The following CHCHD3 variants were observed in gnomAD, a reference collection of about 807,000 sequenced individuals.
CHCHD3 encodes coiled-coil-helix-coiled-coil-helix domain containing 3, also known as MICOS complex subunit MIC19.
CHCHD3 carries 20 observed loss-of-function variants against 38.2 expected under a neutral mutation model. The ratio of observed to expected loss-of-function variants is 0.52; its 90% CI spans 0.37 to 0.76. The LOEUF (loss-of-function observed/expected upper bound fraction) is 0.76, where lower values mean the gene tolerates loss of function less well. Among genes scored for constraint, CHCHD3 ranks in the 30% least tolerant of loss-of-function variants. The probability of loss-of-function intolerance (pLI) is 0.00; values close to 1 mark genes in which losing one functional copy is unlikely to be tolerated. For missense variants in CHCHD3, 245 were observed against 279.2 expected (o/e 0.88, Z 0.87); for synonymous variants, 82 against 100.0 (o/e 0.82, Z 1.07).
intron 2 of CHCHD3, among the ~76,000 whole-genome samples, chr7:133,065,984 T>C (rs997758492): frequency 2.6e-5 from 4 of 152,138 alleles, no homozygotes; most frequent in East Asian, 1.9e-4. Context: ...ATGGTGCAGA[T>C]AGAAAATAAA....
intron 5 of CHCHD3, 56 bp downstream of exon 5, chr7:132,885,606 A>G: frequency 7.7e-7 from 1 of 1,306,104 alleles, no homozygotes; most frequent in Non-Finnish European, 1.1e-6. Context: ...TTTTAAATAA[A>G]TATACAAGAA....
intron 1 of CHCHD3, among the ~76,000 whole-genome samples, chr7:133,073,840 C>T (rs1278589520): frequency 6.6e-6 from 1 of 152,160 alleles, no homozygotes; most frequent in Non-Finnish European, 1.5e-5. Flanking sequence ...TTGGTGATGG[C>T]CTAACTCTCC....
chr7:132,962,628 C>T (rs1368371540), intron 4 of CHCHD3, among the ~76,000 whole-genome samples: 1 of 152,134 alleles, frequency 6.6e-6, no homozygotes, highest in Non-Finnish European at 1.5e-5. Flanking sequence ...TTTGAAGATA[C>T]GGGATCTATA....
chr7:132,894,015 T>A (rs113942741), intron 4 of CHCHD3, among the ~76,000 whole-genome samples: 2,738 of 152,306 alleles, frequency 0.018, 99 homozygotes, highest in African/African-American at 0.062. Context: ...ATGAATGATT[T>A]TTGAAATTAA....
intron 4 of CHCHD3, among the ~76,000 whole-genome samples, chr7:132,929,889 G>T (rs954985461): frequency 3.3e-5 from 5 of 152,120 alleles, no homozygotes; most frequent in African/African-American, 1.2e-4. Context: ...GGTTCTGATT[G>T]CCACGAATAT....
intron 3 of CHCHD3, among the ~76,000 whole-genome samples, chr7:132,979,934 C>A (rs986979939): frequency 6.6e-6 from 1 of 152,184 alleles, no homozygotes; most frequent in African/African-American, 2.4e-5. Flanking sequence ...CCTGTAAATT[C>A]TTTACTGAGC....
intron 2 of CHCHD3, among the ~76,000 whole-genome samples, chr7:133,056,605 A>C (rs1814344645): frequency 1.3e-5 from 2 of 152,202 alleles, no homozygotes; most frequent in African/African-American, 4.8e-5. Context: ...TGTTTGTTGG[A>C]ACAAGGGCAC....
At chr7:132,982,793 T>C (rs1664273133) in intron 3 of CHCHD3, among the ~76,000 whole-genome samples, 1 of 152,168 alleles carries the variant, frequency 6.6e-6, no homozygotes, top group South Asian at 2.1e-4. Flanking sequence ...TAAGTACAGC[T>C]GAACCTTCAA....
At chr7:132,953,760 T>C (rs1020646419) in intron 4 of CHCHD3, among the ~76,000 whole-genome samples, 1 of 152,222 alleles carries the variant, frequency 6.6e-6, no homozygotes. Flanking sequence ...CATTTGAACA[T>C]GGCCATACTT....
chr7:132,860,072 A>T (rs1449666071), intron 5 of CHCHD3, among the ~76,000 whole-genome samples: 1 of 152,138 alleles, frequency 6.6e-6, no homozygotes, highest in African/African-American at 2.4e-5. Context: ...GGAGTTCAAG[A>T]CCAGCCTAGG....
chr7:132,867,938 C>T (rs1164538935), intron 5 of CHCHD3, among the ~76,000 whole-genome samples: 1 of 151,840 alleles, frequency 6.6e-6, no homozygotes, highest in Non-Finnish European at 1.5e-5. Context: ...TATTTCGTAC[C>T]ACAGAGAAAA....
Position 132,990,669 on chromosome 7 carries a change from G to A in CHCHD3, c.252-15383C>T, listed in dbSNP as rs138669843. On this transcript the variant is annotated intron_variant, in intron 3 of 7. Coordinates refer to ENST00000262570, the MANE Select transcript of CHCHD3 (RefSeq NM_017812.4). The stretch of plus-strand genomic sequence containing the variant: ...ATCATTTACATTGTTTTGCACTTAC[G>A]TTTCTTTTTCACAAGGGACACGTTT... Among the ~76,000 whole-genome samples the A allele has an allele frequency of 2.2e-3, 330 of 152,130 alleles. 3 individuals are homozygous for A. The highest frequency in any genetic ancestry group is 7.5e-3 in the African/African-American group (311 of 41,492).
At chr7:133,061,952 AG>A (rs1814531283) in intron 2 of CHCHD3, among the ~76,000 whole-genome samples, 1 of 152,194 alleles carries the variant, frequency 6.6e-6, no homozygotes, top group African/African-American at 2.4e-5. Context: ...AAGGTTTAAA[AG>A]GGGGACTTAA....
At chr7:132,834,068 C>T (rs1563249383) in intron 6 of CHCHD3, among the ~76,000 whole-genome samples, 1 of 152,148 alleles carries the variant, frequency 6.6e-6, no homozygotes, top group Non-Finnish European at 1.5e-5. Flanking sequence ...CAAGGTGATG[C>T]TTACAGGTGC....
intron 2 of CHCHD3, chr7:133,034,843 C>T (rs757591179): frequency 1.2e-5 from 20 of 1,610,536 alleles, no homozygotes; most frequent in Non-Finnish European, 1.5e-5. Flanking sequence ...AAAAGGATGA[C>T]ACTGGCGAAG....
intron 2 of CHCHD3, among the ~76,000 whole-genome samples, chr7:133,069,418 GAAA>G (rs1187444742): frequency 6.6e-6 from 1 of 152,026 alleles, no homozygotes; most frequent in Non-Finnish European, 1.5e-5. Flanking sequence ...ATAAGTACAG[GAAA>G]ATCTCACTTA....
intron 5 of CHCHD3, among the ~76,000 whole-genome samples, chr7:132,855,593 A>C (rs1808326215): frequency 1.3e-5 from 2 of 152,182 alleles, no homozygotes; most frequent in Admixed American, 1.3e-4. Context: ...AGAAATATGC[A>C]TGTGAATAGA....
At chr7:132,951,348 G>A (rs183408629) in intron 4 of CHCHD3, among the ~76,000 whole-genome samples, 1 of 152,300 alleles carries the variant, frequency 6.6e-6, no homozygotes, top group Non-Finnish European at 1.5e-5. Flanking sequence ...AAGGAGAAGG[G>A]AAGTATTTAG....
At chr7:132,855,879 A>G (rs1808332939) in intron 5 of CHCHD3, among the ~76,000 whole-genome samples, 1 of 150,292 alleles carries the variant, frequency 6.7e-6, no homozygotes, top group African/African-American at 2.5e-5. Flanking sequence ...AAAAAAAAAG[A>G]AAGAAAAAAA....
Sources: allele counts gnomAD v4.1 joint callset (sites outside exome capture counted in the v4.1 genomes callset), GRCh38; gene constraint gnomAD v4.1.1; transcripts MANE v1.5; gene names NCBI Gene and HGNC (gene_info 2026-07-23, HGNC 2026-07-21).